ZNF678: variants seen among roughly 807,000 people sequenced by gnomAD.
ZNF678 encodes zinc finger protein 678.
A neutral mutation model predicts 3.0 loss-of-function variants in ZNF678; 5 were observed. The ratio of observed to expected loss-of-function variants is 1.69; its 90% CI spans 0.88 to 3.56. ZNF678 has a LOEUF of 3.56. ZNF678 is among the 30% of genes most tolerant of loss of function. The probability of loss-of-function intolerance (pLI) is 0.00; values close to 1 mark genes in which losing one functional copy is unlikely to be tolerated. For synonymous variants in ZNF678, 218 were observed against 199.6 expected (o/e 1.09, Z -0.78); for missense variants, 593 against 605.0 (o/e 0.98, Z 0.21).
At chr1:227,643,154 AATT>A (rs370233923) in intron 1 of ZNF678, among the ~76,000 whole-genome samples, 14 of 151,976 alleles carry the variant, frequency 9.2e-5, no homozygotes, top group Admixed American at 3.9e-4. Context: ...TCCTGAACAG[AATT>A]ATTAGTAGTA....
intron 1 of ZNF678, among the ~76,000 whole-genome samples, chr1:227,600,649 A>G (rs1402417012): frequency 1.3e-5 from 2 of 151,456 alleles, no homozygotes; most frequent in African/African-American, 2.4e-5. Context: ...TTTCTTTTAG[A>G]TTTGTTTAAG....
At chr1:227,605,098 G>A (rs1040273553) in intron 1 of ZNF678, among the ~76,000 whole-genome samples, 1 of 152,044 alleles carries the variant, frequency 6.6e-6, no homozygotes, top group African/African-American at 2.4e-5. Context: ...CTTGGGATCC[G>A]CCCGCCTCGG....
chr1:227,599,166 A>G lies in ZNF678; in HGVS notation c.-164+35442A>G, dbSNP rs372826754. On this transcript the variant is annotated intron_variant, in intron 1 of 3. Transcript: ENST00000343776. ...AACATATTCCTCCAGTTCTAGAATC[A>G]TTTTCTTGTTCAAATAACCTTTGTT... is the stretch of plus-strand genomic sequence containing the variant. 25 of 1,251,680 alleles carry G rather than the reference A, an allele frequency of 2.0e-5. No homozygotes were observed. In the East Asian group the frequency reaches 5.9e-4, roughly 29 times the overall value. The allele number at this position is 1,251,680 out of a possible 1,614,324, so 77.5% of individuals were successfully genotyped here.
At chr1:227,635,786 C>A (rs988616411) in intron 1 of ZNF678, among the ~76,000 whole-genome samples, 4 of 152,066 alleles carry the variant, frequency 2.6e-5, no homozygotes, top group African/African-American at 9.7e-5. Flanking sequence ...GCTATCTTGC[C>A]GGCACATGCT....
intron 1 of ZNF678, among the ~76,000 whole-genome samples, chr1:227,636,686 G>A (rs1014755733): frequency 3.3e-5 from 5 of 152,132 alleles, no homozygotes; most frequent in African/African-American, 4.8e-5. Context: ...CAGGGACTCC[G>A]AGGGTGCTGC....
In ZNF678 at chr1:227,658,146, T is replaced by C. The variant is rs1260410627; in HGVS notation, c.*2318T>C. 6.6e-6 allele frequency: 1 copy of C among 152,084 alleles called. No homozygotes were observed. Among genetic ancestry groups the C allele is most frequent in the East Asian group, 1.9e-4 (1 of 5,204 alleles). 9.4% of individuals were successfully genotyped at this position (152,084 alleles called of 1,614,324 possible). On this transcript the variant is annotated 3_prime_UTR_variant, in exon 4 of 4. Transcript: ENST00000343776. ...TTTTTGTATTTCAATTGGAGAACCC[T>C]ATTTTGGCCAATTTTTACTTGGTTT...
intron 1 of ZNF678, among the ~76,000 whole-genome samples, chr1:227,629,811 G>A (rs936853442): frequency 3.3e-5 from 5 of 152,102 alleles, no homozygotes; most frequent in Admixed American, 6.5e-5. Context: ...ATTTTTATTC[G>A]GACAATCTTT....
chr1:227,664,559 A>G (rs148824021), downstream of ZNF678, among the ~76,000 whole-genome samples: 211 of 152,110 alleles, frequency 1.4e-3, 1 homozygote, highest in African/African-American at 4.9e-3. Context: ...CAGTGGTGAG[A>G]GTTGAGCCAA....
chr1:227,574,108 A>G (rs1020410320), intron 1 of ZNF678, among the ~76,000 whole-genome samples: 3 of 152,174 alleles, frequency 2.0e-5, no homozygotes, highest in African/African-American at 7.2e-5. Context: ...TGTCTTTGCA[A>G]TTGTGAATAG....
chr1:227,623,309 C>T (rs558397975), intron 1 of ZNF678, among the ~76,000 whole-genome samples: 40 of 152,336 alleles, frequency 2.6e-4, no homozygotes, highest in African/African-American at 9.4e-4. Flanking sequence ...TAGAGCAAAC[C>T]TTAGCTCAGC....
intron 1 of ZNF678, among the ~76,000 whole-genome samples, chr1:227,605,362 A>G (rs1657837429): frequency 6.6e-6 from 1 of 152,194 alleles, no homozygotes; most frequent in Non-Finnish European, 1.5e-5. Flanking sequence ...TTTCTTTTAT[A>G]TATGAAATAA....
chr1:227,634,675 T>G (rs1422850027), intron 1 of ZNF678, among the ~76,000 whole-genome samples: 3 of 152,176 alleles, frequency 2.0e-5, no homozygotes, highest in Non-Finnish European at 4.4e-5. Context: ...ATTTTTTGTT[T>G]GAGTACCACC....
chr1:227,603,979 A>G (rs1020232974), intron 1 of ZNF678, among the ~76,000 whole-genome samples: 1 of 152,190 alleles, frequency 6.6e-6, no homozygotes, highest in Non-Finnish European at 1.5e-5. Context: ...AGTTTGTTTG[A>G]GGTTCATATC....
chr1:227,593,864 CCCCTT>C (rs1168773640), intron 1 of ZNF678, among the ~76,000 whole-genome samples: 5 of 129,856 alleles, frequency 3.9e-5, no homozygotes, highest in South Asian at 2.5e-4. Flanking sequence ...ATCCCCCCCC[CCCCTT>C]TTTTTTTTTT....
rs370558622 is a variant in ZNF678 at position 227,572,243 on chromosome 1, G to C, written c.-164+8519G>C. On this transcript the variant is annotated intron_variant, in intron 1 of 3. Transcript: ENST00000343776. Reference sequence around the variant, plus strand: ...ATCTAAATCCAAAGGTGATGGCTTAGAGTGAGGACCATTTCTTGTTGACAT... The same window carrying C: ...ATCTAAATCCAAAGGTGATGGCTTACAGTGAGGACCATTTCTTGTTGACAT... 4.5e-3 allele frequency among the ~76,000 whole-genome samples: 685 copies of C among 152,400 alleles called. 10 individuals carry two copies. The South Asian group carries it at 0.055, about 12-fold the overall frequency.
At chr1:227,679,118 A>G (rs1056699), downstream of ZNF678, among the ~76,000 whole-genome samples, 105,597 of 151,868 alleles carry the variant, frequency 0.7, 38,205 homozygotes, top group African/African-American at 0.9. Flanking sequence ...GACTTCTAGA[A>G]CAATTCAAGG....
intron 1 of ZNF678, among the ~76,000 whole-genome samples, chr1:227,595,279 C>G (rs1241770631): frequency 2.6e-5 from 4 of 151,748 alleles, no homozygotes; most frequent in African/African-American, 4.8e-5. Context: ...GTCTCTCTCT[C>G]TCTCTCTCTC....
chr1:227,564,387 C>A (rs1254974775), intron 1 of ZNF678, among the ~76,000 whole-genome samples: 1 of 152,152 alleles, frequency 6.6e-6, no homozygotes, highest in East Asian at 1.9e-4. Flanking sequence ...TATTAATATT[C>A]TTTTTCATGT....
rs1436779187 is a variant in ZNF678, at chr1:227,659,622, A to G, written c.*3794A>G. 2 of 146,086 alleles carry G rather than the reference A, an allele frequency of 1.4e-5. No homozygotes were observed. Among genetic ancestry groups the G allele is most frequent in the Non-Finnish European group, 3.0e-5 (2 of 66,356 alleles). 9.0% of individuals were successfully genotyped at this position (146,086 alleles called of 1,614,324 possible). A position where few individuals can be genotyped will look rare whatever the true frequency, so the allele number is the denominator to read the frequency against. ...CTATGCTTATGGCTGATAAGTAGAC[A>G]TTTTTAAAAATCATAAAAACTGTAT... On this transcript the variant is annotated 3_prime_UTR_variant, in exon 4 of 4. Coordinates refer to ENST00000343776, the MANE Select transcript of ZNF678 (RefSeq NM_001367909.1).
Sources: allele counts gnomAD v4.1 joint callset (sites outside exome capture counted in the v4.1 genomes callset), GRCh38; gene constraint gnomAD v4.1.1; transcripts MANE v1.5; gene names NCBI Gene and HGNC (gene_info 2026-07-23, HGNC 2026-07-21).